MSH6: variants seen among roughly 807,000 people sequenced by gnomAD.
MSH6 encodes DNA mismatch repair protein Msh6.
Under a neutral mutation model 119.1 loss-of-function variants are expected in MSH6, and 85 were observed. The ratio of observed to expected loss-of-function variants is 0.71; its 90% CI spans 0.60 to 0.85. MSH6 has a LOEUF of 0.85. MSH6 is among the 40% of genes least tolerant of loss of function. The pLI, the probability that MSH6 is intolerant of heterozygous loss-of-function variation, is 0.00. For missense variants in MSH6, 2,163 were observed against 1,655.3 expected (o/e 1.31, Z -5.32); for synonymous variants, 830 against 586.9 (o/e 1.41, Z -5.99).
chr2:47,806,021 G>A (rs1670009894), intron 7 of MSH6, among the ~76,000 whole-genome samples, 183 bp from the exon 8 acceptor site: 1 of 152,146 alleles, frequency 6.6e-6, no homozygotes, highest in Non-Finnish European at 1.5e-5. Flanking sequence ...TTCTTTAAAA[G>A]AAACCTCACT....
chr2:47,786,976 G>A lies in MSH6; in HGVS notation c.260+3483G>A, dbSNP rs188021090. 1.3e-3 allele frequency among the ~76,000 whole-genome samples: 196 copies of A among 152,226 alleles called. 2 individuals carry two copies. The highest frequency in any genetic ancestry group is 1.9e-3 in the Non-Finnish European group (132 of 68,012). The stretch of plus-strand genomic sequence containing the variant: ...ATGAACAAATTATTGATTATAATGT[G>A]GAATTTGTCCTTTTATTTTCTCTGT... On this transcript the variant is annotated intron_variant, in intron 1 of 9. Transcript: ENST00000234420.
intron 2 of MSH6, 50 bp from the exon 3 acceptor site, chr2:47,795,844 G>C (rs763906078): frequency 3.2e-6 from 5 of 1,545,776 alleles, no homozygotes; most frequent in Non-Finnish European, 4.4e-6. Flanking sequence ...GATTACAGGC[G>C]TGAGCCTCTG....
chr2:47,797,904 A>G (rs760470048), intron 3 of MSH6: 30 of 222,470 alleles, frequency 1.3e-4, no homozygotes, highest in Non-Finnish European at 2.4e-4. Context: ...GATTTTGCAC[A>G]TGAGCTCAAA....
At chr2:47,804,584 T>C (rs2104499190) in intron 5 of MSH6, among the ~76,000 whole-genome samples, 1 of 151,502 alleles carries the variant, frequency 6.6e-6, no homozygotes, top group Admixed American at 6.6e-5. Context: ...TGGATTCACT[T>C]GATTGGAATT....
At position 47,783,398 on chromosome 2, in the gene MSH6, T is replaced by TGGGCCC. The variant is rs786201776; in HGVS notation, c.166_171dup (p.Gly56_Pro57dup). 6 of 1,568,760 alleles carry TGGGCCC rather than the reference T, an allele frequency of 3.8e-6. No individual in the cohort carries two copies. The African/African-American group carries it at 4.1e-5, about 11-fold the overall frequency. On this transcript the variant is annotated inframe_insertion, in exon 1 of 10. Coordinates refer to ENST00000234420, the MANE Select transcript of MSH6 (RefSeq NM_000179.3). ...ATGCGGCCTGGAGCGAGGCTGGGCC[T>TGGGCCC]GGGCCCAGGCCCTTGGCGCGCTCCG...
At chr2:47,786,530 C>T (rs1310039964) in intron 1 of MSH6, among the ~76,000 whole-genome samples, 2 of 151,174 alleles carry the variant, frequency 1.3e-5, no homozygotes, top group Non-Finnish European at 2.9e-5. Context: ...AGACGGGTTT[C>T]ACCATGTTGG....
chr2:47,803,482 A>T lies in MSH6; in HGVS notation c.3235A>T (p.Ile1079Phe), dbSNP rs587779933. 1.2e-6 allele frequency: 2 copies of T among 1,614,108 alleles called. No individual in the cohort carries two copies. Among genetic ancestry groups the T allele is most frequent in the South Asian group, 1.1e-5 (1 of 91,070 alleles). Reference protein sequence around the residue: ...GGDGPMCRPVILLPEDTPPFL... With the variant: ...GGDGPMCRPVFLLPEDTPPFL... ...TGATGGTCCTATGTGTCGCCCAGTA[A>T]TTCTGTTGCCGGAAGATACCCCCCC... The change falls in exon 5 of 10, where the codon ATT (isoleucine) becomes TTT (phenylalanine). Residue 1079 changes from isoleucine (I) to phenylalanine (F), a missense_variant. Physicochemically the swap from Ile to Phe is conservative, Grantham distance 21. Coordinates refer to ENST00000234420, the MANE Select transcript of MSH6 (RefSeq NM_000179.3).
Position 47,799,635 on chromosome 2 carries a change from G to A in MSH6, c.1652G>A (p.Gly551Asp), listed in dbSNP as rs587779917. ...SLKEKEEDSS[G>D]HTRAYGVCFV... ...AAAGAAAAAGAGGAAGATTCTTCTG[G>A]CCATACTCGTGCATATGGTGTGTGC... The change falls in exon 4 of 10, where the codon GGC (glycine) becomes GAC (aspartate). Residue 551 changes from glycine to aspartate, a missense_variant. Transcript: ENST00000234420. 9.3e-6 allele frequency: 15 copies of A among 1,613,940 alleles called. No homozygotes were observed. The highest frequency in any genetic ancestry group is 1.3e-5 in the African/African-American group (1 of 74,884).
At chr2:47,788,891 TC>T (rs1668519786) in intron 1 of MSH6, among the ~76,000 whole-genome samples, 1 of 118,694 alleles carries the variant, frequency 8.4e-6, no homozygotes, top group African/African-American at 3.0e-5. Context: ...GCTATTTCTT[TC>T]TTTCTTTCTT....
chr2:47,787,558 C>T (rs181432293), intron 1 of MSH6, among the ~76,000 whole-genome samples: 24 of 152,228 alleles, frequency 1.6e-4, no homozygotes, highest in African/African-American at 5.3e-4. Flanking sequence ...ATTTAAGACT[C>T]ACTTAAAGCT....
intron 1 of MSH6, among the ~76,000 whole-genome samples, chr2:47,786,184 A>G (rs192803420): frequency 1.3e-5 from 2 of 152,314 alleles, no homozygotes; most frequent in South Asian, 2.1e-4. Flanking sequence ...TGGTTCAGGA[A>G]GAGGAAGGTC....
At position 47,803,430 on chromosome 2, in the gene MSH6, G is replaced by T. The variant is rs786203197; in HGVS notation, c.3183G>T (p.Leu1061=). The T allele has an allele frequency of 6.2e-7, 1 of 1,614,004 alleles. No individual in the cohort carries two copies. Among genetic ancestry groups the T allele is most frequent in the Non-Finnish European group, 8.5e-7 (1 of 1,180,042 alleles). Residue 1061 remains leucine (L), a synonymous_variant, in exon 5 of 10, where the codon CTG becomes CTT. Coordinates refer to ENST00000234420, the MANE Select transcript of MSH6 (RefSeq NM_000179.3). ...CCTCTCTTTTAACAGATGTTTTACT[G>T]TGCCTGGCTAACTATAGTCGAGGGG... ...VECIAVLDVL[L]CLANYSRGGD...
At chr2:47,796,851 C>A (rs899685169) in intron 3 of MSH6, among the ~76,000 whole-genome samples, 1 of 152,096 alleles carries the variant, frequency 6.6e-6, no homozygotes, top group African/African-American at 2.4e-5. Flanking sequence ...GTCCCAACCA[C>A]TTGGGAGGCT....
In MSH6 at chr2:47,803,542, A is replaced by G. The variant is rs1064795895; in HGVS notation, c.3295A>G (p.Ile1099Val). The G allele has an allele frequency of 6.2e-7, 1 of 1,614,172 alleles. No homozygotes were observed. The highest frequency in any genetic ancestry group is 8.5e-7 in the Non-Finnish European group (1 of 1,180,032). Residue 1099 changes from isoleucine to valine, a missense_variant, in exon 5 of 10, where the codon ATT (isoleucine) becomes GTT (valine). Physicochemically the swap from Ile to Val is conservative, Grantham distance 29 (BLOSUM62 3). Transcript: ENST00000234420. ...GCTTAAAGGATCACGCCATCCTTGC[A>G]TTACGAAGACTTTTTTTGGAGATGA... ...LELKGSRHPC[I>V]TKTFFGDDFI...
rs1553331352 is a variant in MSH6, at chr2:47,803,490, G to C, written c.3243G>C (p.Leu1081Phe). ...DGPMCRPVIL[L>F]PEDTPPFLEL... ...CTATGTGTCGCCCAGTAATTCTGTTGCCGGAAGATACCCCCCCCTTCTTAG... is the reference window on the plus strand; with the variant it reads ...CTATGTGTCGCCCAGTAATTCTGTTCCCGGAAGATACCCCCCCCTTCTTAG... The change falls in exon 5 of 10, where the codon TTG (leucine) becomes TTC (phenylalanine). Residue 1081 changes from leucine (L) to phenylalanine (F), a missense_variant. Leu to Phe is a conservative substitution (Grantham distance 22). Transcript: ENST00000234420. 6.2e-7 allele frequency: 1 copy of C among 1,614,076 alleles called. No homozygotes were observed. Among genetic ancestry groups the C allele is most frequent in the East Asian group, 2.2e-5 (1 of 44,878 alleles).
At chr2:47,808,940 T>G (rs1670421879), downstream of MSH6, 1 of 410,034 alleles carries the variant, frequency 2.4e-6, no homozygotes, top group Non-Finnish European at 4.3e-6. Context: ...CCAGTGATCC[T>G]CCCACTTCAG....
chr2:47,800,938 C>G lies in MSH6; in HGVS notation c.2955C>G (p.Phe985Leu), dbSNP rs63750942. Reference protein sequence around the residue: ...NRYQLEIPENFTTRNLPEEYE... With the variant: ...NRYQLEIPENLTTRNLPEEYE... ...ACCAGCTGGAAATTCCTGAGAATTT[C>G]ACCACTCGCAATTTGCCAGAAGAAT... Residue 985 changes from phenylalanine (F) to leucine (L), a missense_variant, in exon 4 of 10, where the codon TTC (phenylalanine) becomes TTG (leucine). Coordinates refer to ENST00000234420, the MANE Select transcript of MSH6 (RefSeq NM_000179.3). The G allele has an allele frequency of 6.3e-7, 1 of 1,575,552 alleles. No homozygotes were observed. The highest frequency in any genetic ancestry group is 8.6e-7 in the Non-Finnish European group (1 of 1,162,322).
Position 47,783,377 on chromosome 2 carries a change from G to A in MSH6, c.144G>A (p.Ala48=), listed in dbSNP as rs1572698177. The A allele has an allele frequency of 6.3e-7, 1 of 1,594,672 alleles. No homozygotes were observed. Among genetic ancestry groups the A allele is most frequent in the Middle Eastern group, 1.7e-4 (1 of 6,014 alleles). ...PGASPSPGGD[A]AWSEAGPGPR... is the part of the protein sequence containing the mutation. The stretch of plus-strand genomic sequence containing the variant: ...CCTCTCCTTCCCCAGGCGGGGATGC[G>A]GCCTGGAGCGAGGCTGGGCCTGGGC... Residue 48 remains alanine, a synonymous_variant, in exon 1 of 10, where the codon GCG becomes GCA. Transcript: ENST00000234420.
rs63750617 is a variant in MSH6, at chr2:47,803,473, C to G, written c.3226C>G (p.Arg1076Gly). ...TCGAGGGGGTGATGGTCCTATGTGT[C>G]GCCCAGTAATTCTGTTGCCGGAAGA... ...YSRGGDGPMC[R>G]PVILLPEDTP... The change falls in exon 5 of 10, where the codon CGC becomes GGC. Residue 1076 changes from arginine to glycine, a missense_variant. Coordinates refer to ENST00000234420, the MANE Select transcript of MSH6 (RefSeq NM_000179.3). 2 of 1,614,056 alleles carry G rather than the reference C, an allele frequency of 1.2e-6. No individual in the cohort carries two copies. Among genetic ancestry groups the G allele is most frequent in the Non-Finnish European group, 1.7e-6 (2 of 1,180,034 alleles).
Sources: allele counts gnomAD v4.1 joint callset (sites outside exome capture counted in the v4.1 genomes callset), GRCh38; gene constraint gnomAD v4.1.1; transcripts MANE v1.5; gene names NCBI Gene and HGNC (gene_info 2026-07-23, HGNC 2026-07-21).